ZFP1: variants seen among roughly 807,000 people sequenced by gnomAD.
The protein encoded by ZFP1 is zinc finger protein 1 homolog.
ZFP1 carries 32 observed loss-of-function variants against 38.5 expected under a neutral mutation model. The observed-to-expected ratio is 0.83, with a 90% CI of 0.63 to 1.12. The LOEUF (loss-of-function observed/expected upper bound fraction) is 1.12. Among genes scored for constraint, ZFP1 ranks in the 50% most tolerant of loss-of-function variants. ZFP1 has a pLI of 0.00. For missense variants in ZFP1, 616 were observed against 480.8 expected (o/e 1.28, Z -2.63); for synonymous variants, 245 against 168.8 (o/e 1.45, Z -3.50).
chr16:75,133,539 T>C, the ZFP1 span, among the ~76,000 whole-genome samples: 1 of 152,220 alleles, frequency 6.6e-6, no homozygotes, highest in African/African-American at 2.4e-5. Context: ...CCTGTGTTAG[T>C]TTCCTAAGGA....
At chr16:75,164,751 T>C (rs1461383543) in intron 2 of ZFP1, among the ~76,000 whole-genome samples, 1 of 152,202 alleles carries the variant, frequency 6.6e-6, no homozygotes, top group African/African-American at 2.4e-5. Flanking sequence ...AAAGAATATT[T>C]TGTGCTGTGA....
chr16:75,163,154 G>A (rs2037872974), intron 2 of ZFP1, among the ~76,000 whole-genome samples: 1 of 151,860 alleles, frequency 6.6e-6, no homozygotes, highest in Non-Finnish European at 1.5e-5. Flanking sequence ...TGATCCACCT[G>A]CCTCGGCCTC....
the ZFP1 span, among the ~76,000 whole-genome samples, chr16:75,121,030 C>T: frequency 6.6e-6 from 1 of 152,162 alleles, no homozygotes; most frequent in South Asian, 2.1e-4. Flanking sequence ...GTGTTCTAAC[C>T]TCATAATAAG....
intron 3 of ZFP1, 53 bp downstream of exon 3, chr16:75,166,949 C>G: frequency 6.4e-7 from 1 of 1,571,958 alleles, no homozygotes; most frequent in Non-Finnish European, 8.6e-7. Flanking sequence ...TATTTATGTC[C>G]TGTCTCAGTG....
the ZFP1 span, among the ~76,000 whole-genome samples, chr16:75,123,900 G>A: frequency 6.6e-6 from 1 of 150,430 alleles, no homozygotes; most frequent in Non-Finnish European, 1.5e-5. Flanking sequence ...GACCATTCTG[G>A]CCGACACGGT....
chr16:75,123,466 TATATATATATATATA>T, the ZFP1 span, among the ~76,000 whole-genome samples: 1 of 64,562 alleles, frequency 1.5e-5, no homozygotes, highest in South Asian at 6.7e-4. Flanking sequence ...TATATATATA[TATATATATATATATA>T]TATATATATA....
intron 3 of ZFP1, among the ~76,000 whole-genome samples, chr16:75,167,232 C>G (rs1047051852): frequency 1.3e-5 from 2 of 152,162 alleles, no homozygotes; most frequent in African/African-American, 4.8e-5. Flanking sequence ...GAAGCAGAAG[C>G]CAGTGGAATT....
the ZFP1 span, among the ~76,000 whole-genome samples, chr16:75,127,386 A>C: frequency 1.3e-5 from 2 of 150,438 alleles, no homozygotes; most frequent in Admixed American, 1.3e-4. Flanking sequence ...ACAGAGCAAG[A>C]CTCTGTCTCA....
At chr16:75,129,479 A>G in the ZFP1 span, among the ~76,000 whole-genome samples, 1 of 152,202 alleles carries the variant, frequency 6.6e-6, no homozygotes, top group Non-Finnish European at 1.5e-5. Flanking sequence ...CATTCTATTC[A>G]AAGTCACCCC....
upstream of ZFP1, among the ~76,000 whole-genome samples, chr16:75,145,852 G>T (rs2036937212): frequency 6.6e-6 from 1 of 152,174 alleles, no homozygotes; most frequent in African/African-American, 2.4e-5. Context: ...AAGGACCTGG[G>T]TATTAAGAGG....
At chr16:75,126,846 A>C in the ZFP1 span, among the ~76,000 whole-genome samples, 3 of 152,228 alleles carry the variant, frequency 2.0e-5, no homozygotes, top group Admixed American at 2.0e-4. Flanking sequence ...AAATGTTATT[A>C]ATAGGTTCTC....
chr16:75,134,593 A>T, the ZFP1 span, among the ~76,000 whole-genome samples: 20 of 151,376 alleles, frequency 1.3e-4, no homozygotes, highest in African/African-American at 4.6e-4. Context: ...TCTACTAAAA[A>T]TACAAAAAAT....
At chr16:75,153,168 A>T (rs919361387) in intron 2 of ZFP1, among the ~76,000 whole-genome samples, 7 of 152,240 alleles carry the variant, frequency 4.6e-5, no homozygotes, top group Admixed American at 2.0e-4. Context: ...TTGGTTCTGT[A>T]CATTAGGTCT....
chr16:75,127,795 G>A, the ZFP1 span: 1 of 152,160 alleles, frequency 6.6e-6, no homozygotes, highest in Non-Finnish European at 1.5e-5. Context: ...TTAACTTTTT[G>A]CTTAAAACAT....
At position 75,171,747 on chromosome 16, in the gene ZFP1, C is replaced by G. The variant is rs1225763893; in HGVS notation, c.*1413C>G. ...TGCTGTCACACTATATATTGAGTGA[C>G]TTTCTGAACAAATTTATCCAGAACA... On this transcript the variant is annotated 3_prime_UTR_variant, in exon 4 of 4. Transcript: ENST00000570010. 2 of 152,188 alleles carry G rather than the reference C, an allele frequency of 1.3e-5. No homozygotes were observed. Among genetic ancestry groups the G allele is most frequent in the African/African-American group, 4.8e-5 (2 of 41,444 alleles). The allele number at this position is 152,188 out of a possible 1,614,324, so 9.4% of individuals were successfully genotyped here.
the ZFP1 span, among the ~76,000 whole-genome samples, chr16:75,143,445 T>C: frequency 6.6e-6 from 1 of 151,076 alleles, no homozygotes; most frequent in Admixed American, 6.6e-5. Flanking sequence ...GGGGTTTCAA[T>C]ATGTTGGCCA....
chr16:75,141,195 C>CTTTTT, the ZFP1 span, among the ~76,000 whole-genome samples: 29 of 67,900 alleles, frequency 4.3e-4, 1 homozygote, highest in African/African-American at 5.9e-4. Context: ...TTGGGTCATT[C>CTTTTT]TTTTTTTTTT....
chr16:75,146,915 G>C (rs2036955594), upstream of ZFP1, among the ~76,000 whole-genome samples: 1 of 132,242 alleles, frequency 7.6e-6, no homozygotes, highest in Non-Finnish European at 1.5e-5. Flanking sequence ...ACTCCAACCT[G>C]GGTGACAGAG....
intron 2 of ZFP1, among the ~76,000 whole-genome samples, chr16:75,160,679 A>T (rs1401897399): frequency 6.7e-6 from 1 of 149,444 alleles, no homozygotes; most frequent in African/African-American, 2.5e-5. Flanking sequence ...AAAAAAAGGA[A>T]GAAATTTATT....
Sources: allele counts gnomAD v4.1 joint callset (sites outside exome capture counted in the v4.1 genomes callset), GRCh38; gene constraint gnomAD v4.1.1; transcripts MANE v1.5; gene names NCBI Gene and HGNC (gene_info 2026-07-23, HGNC 2026-07-21).